The following ANK2 variants were observed in gnomAD, a reference collection of about 807,000 sequenced individuals.
ANK2 encodes ankyrin 2.
A neutral mutation model predicts 360.5 loss-of-function variants in ANK2; 83 were observed. The ratio of observed to expected loss-of-function variants is 0.23; its 90% confidence interval spans 0.19 to 0.28. ANK2 has a LOEUF of 0.28. Ranked by LOEUF, ANK2 falls within the 10% of genes least tolerant of loss-of-function variation. ANK2 has a pLI of 1.00. For missense variants in ANK2, 4,201 were observed against 4,795.7 expected (o/e 0.88, Z 3.66); for synonymous variants, 1,740 against 1,759.5 (o/e 0.99, Z 0.28).
Position 113,240,540 on chromosome 4 carries a change from C to G in ANK2, c.749C>G (p.Thr250Ser). ...CATTACGGAAATGTCAACGTGGCAACTCTTCTTCTAAACCGGGGAGCTGCT... is the reference window on the plus strand; with the variant it reads ...CATTACGGAAATGTCAACGTGGCAAGTCTTCTTCTAAACCGGGGAGCTGCT... ...AAHYGNVNVATLLLNRGAAVD... is the reference protein window; with the variant it reads ...AAHYGNVNVASLLLNRGAAVD... Residue 250 changes from threonine to serine, a missense_variant, in exon 8 of 46, where the codon ACT becomes AGT. This residue lies in a region of ANK2 where 122 missense variants were observed against 239.3 expected (regional missense o/e 0.51). Coordinates refer to ENST00000357077, the MANE Select transcript of ANK2 (RefSeq NM_001148.6). The G allele has an allele frequency of 1.2e-6, 2 of 1,613,998 alleles. No individual in the cohort carries two copies.
chr4:113,291,643 T>C (rs1458634270), intron 20 of ANK2, among the ~76,000 whole-genome samples: 1 of 151,990 alleles, frequency 6.6e-6, no homozygotes, highest in Non-Finnish European at 1.5e-5. Context: ...AAGCTTAGAG[T>C]ATGAAAGGGC....
chr4:113,247,161 G>GAA lies in ANK2; in HGVS notation c.892-2591_892-2590dup, dbSNP rs780555782. Among the ~76,000 whole-genome samples, 199 of 121,468 alleles carry GAA rather than the reference G, an allele frequency of 1.6e-3. 2 individuals are homozygous for GAA. Among genetic ancestry groups the GAA allele is most frequent in the African/African-American group, 5.0e-3 (167 of 33,496 alleles). 79.7% of individuals were successfully genotyped at this position (121,468 alleles called of 152,430 possible). A position where few individuals can be genotyped will look rare whatever the true frequency, so the allele number is the denominator to read the frequency against. On this transcript the variant is annotated intron_variant, in intron 9 of 45. Transcript: ENST00000357077. ...ATCCGTGTGATGAACTGATTCTAGAGAAAAAAAAAAAAACAACAACAGAGA... is the reference window on the plus strand; with the variant it reads ...ATCCGTGTGATGAACTGATTCTAGAGAAAAAAAAAAAAAAACAACAACAGAGA...
chr4:113,222,911 T>C (rs1303586999), intron 4 of ANK2, among the ~76,000 whole-genome samples: 1 of 152,238 alleles, frequency 6.6e-6, no homozygotes, highest in East Asian at 1.9e-4. Context: ...TATATGATAC[T>C]TTAATTAATA....
At chr4:113,197,955 A>C (rs944863311) in intron 3 of ANK2, among the ~76,000 whole-genome samples, 17 of 152,176 alleles carry the variant, frequency 1.1e-4, no homozygotes, top group African/African-American at 3.9e-4. Context: ...GAGCACTCAC[A>C]GGAGCCTAGG....
chr4:112,721,902 G>C, the ANK2 span, among the ~76,000 whole-genome samples: 4 of 152,170 alleles, frequency 2.6e-5, no homozygotes, highest in Non-Finnish European at 4.4e-5. Flanking sequence ...CTTTAAAAGT[G>C]AGTTTCTTCT....
rs536869531 is a variant in ANK2 at position 112,897,118 on chromosome 4, T to A, written c.-39-7337T>A. Among the ~76,000 whole-genome samples, 6 of 152,298 alleles carry A rather than the reference T, an allele frequency of 3.9e-5. 1 individual carries two copies. The South Asian group carries it at 1.2e-3, about 32-fold the overall frequency. Reference sequence around the variant, plus strand: ...AAGCTCTTTCTCTGAGCTTCTCTGATAACTGTTCACTGAGGAAGTGGCCAA... The same window carrying A: ...AAGCTCTTTCTCTGAGCTTCTCTGAAAACTGTTCACTGAGGAAGTGGCCAA... On this transcript the variant is annotated intron_variant, in intron 1 of 30. Coordinates refer to the ANK2 transcript ENST00000503271.
intron 1 of ANK2, among the ~76,000 whole-genome samples, chr4:113,057,077 CTG>C (rs2070394922): frequency 6.6e-6 from 1 of 152,134 alleles, no homozygotes; most frequent in Non-Finnish European, 1.5e-5. Context: ...GTGTATAGCA[CTG>C]TGTTAGGTGC....
At position 113,335,848 on chromosome 4, in the gene ANK2, C is replaced by G. The variant is rs1163043823; in HGVS notation, c.3382C>G (p.Leu1128Val). Residue 1128 changes from leucine to valine, a missense_variant and splice_region_variant, in exon 30 of 46, where the codon CTG becomes GTG. Around this residue, in one of 4 missense-constraint regions of ANK2, gnomAD observed 1,268 missense variants for 1,650.8 expected, o/e 0.77. Coordinates refer to ENST00000357077, the MANE Select transcript of ANK2 (RefSeq NM_001148.6). ...NEILNGMDEV[L>V]DSPEDLEKKR... ...AGGTGGGTCATTTCTTGTCTTAGTA[C>G]TGGATAGCCCAGAAGACCTAGAAAA... 5 of 1,613,762 alleles carry G rather than the reference C, an allele frequency of 3.1e-6. No homozygotes were observed. In the East Asian group the frequency reaches 1.1e-4, roughly 36 times the overall value.
intron 2 of ANK2, among the ~76,000 whole-genome samples, chr4:113,041,574 T>C (rs1033040611): frequency 3.9e-5 from 6 of 152,142 alleles, no homozygotes; most frequent in Non-Finnish European, 1.5e-5. Flanking sequence ...ATATCACCAG[T>C]ATATAACATC....
the ANK2 span, among the ~76,000 whole-genome samples, chr4:112,720,670 C>A: frequency 1.2e-4 from 18 of 152,126 alleles, no homozygotes; most frequent in African/African-American, 4.3e-4. Flanking sequence ...ATAATTTAAT[C>A]TTTTAAAATT....
chr4:113,378,529 G>C (rs927648477), intron 45 of ANK2, among the ~76,000 whole-genome samples: 3 of 152,100 alleles, frequency 2.0e-5, no homozygotes, highest in Non-Finnish European at 4.4e-5. Context: ...TCTAATCGAT[G>C]GATCACAGAT....
At chr4:113,317,643 A>C in intron 24 of ANK2, 64 bp from the exon 25 acceptor site, 1 of 1,302,386 alleles carries the variant, frequency 7.7e-7, no homozygotes, top group Non-Finnish European at 1.1e-6. Flanking sequence ...TCGGCTCATC[A>C]TTTTGTCATC....
intron 1 of ANK2, among the ~76,000 whole-genome samples, chr4:113,102,296 G>T (rs1210273560): frequency 2.0e-5 from 3 of 152,094 alleles, no homozygotes; most frequent in Non-Finnish European, 4.4e-5. Flanking sequence ...CAGGTGTTTG[G>T]CTGGGTACTA....
chr4:112,706,256 T>C, the ANK2 span, among the ~76,000 whole-genome samples: 1 of 152,110 alleles, frequency 6.6e-6, no homozygotes, highest in African/African-American at 2.4e-5. Flanking sequence ...CGGCACCCCA[T>C]TGTCCTCGCG....
chr4:112,757,984 A>G, the ANK2 span, among the ~76,000 whole-genome samples: 1 of 151,244 alleles, frequency 6.6e-6, no homozygotes, highest in South Asian at 2.1e-4. Flanking sequence ...GCTCACTGCA[A>G]CCTCCACTTC....
rs1386636823 is a variant in ANK2, at chr4:113,359,479, A to G, written c.10681+180A>G. On this transcript the variant is annotated intron_variant, in intron 38 of 45. Transcript: ENST00000357077. ...TTTCTCTGTATACTCTTGTCTAAGA[A>G]AACAATCTCAAGATTGAGTAATGAG... Among the ~76,000 whole-genome samples the G allele has an allele frequency of 3.3e-5, 5 of 152,160 alleles. No homozygotes were observed. In the South Asian group the frequency reaches 8.3e-4, roughly 25 times the overall value.
In ANK2 at chr4:113,358,548, C is replaced by T. The variant is rs1319503607; in HGVS notation, c.9930C>T (p.Pro3310=). 2 of 1,614,066 alleles carry T rather than the reference C, an allele frequency of 1.2e-6. No individual in the cohort carries two copies. Among genetic ancestry groups the T allele is most frequent in the East Asian group, 4.5e-5 (2 of 44,874 alleles). ...SKSKIPVRTM[P]TSTPAPPSAE... ...CCAAAATTCCTGTAAGGACTATGCC[C>T]ACTTCCACCCCAGCACCTCCATCTG... is the stretch of plus-strand genomic sequence containing the variant. Residue 3310 remains proline, a synonymous_variant, in exon 38 of 46, where the codon CCC becomes CCT. Coordinates refer to ENST00000357077, the MANE Select transcript of ANK2 (RefSeq NM_001148.6).
At chr4:112,731,334 A>C in the ANK2 span, among the ~76,000 whole-genome samples, 2 of 151,930 alleles carry the variant, frequency 1.3e-5, no homozygotes, top group Non-Finnish European at 2.9e-5. Flanking sequence ...TGAGGTAATG[A>C]ATAAGTTAAC....
chr4:113,096,305 G>A (rs1222200390), intron 1 of ANK2, among the ~76,000 whole-genome samples: 1 of 152,154 alleles, frequency 6.6e-6, no homozygotes, highest in Non-Finnish European at 1.5e-5. Context: ...TGGAACCAAT[G>A]AAACCCCAAA....
Sources: gnomAD v4.1 joint callset for allele counts (sites outside exome capture counted in the v4.1 genomes callset) on GRCh38, gnomAD v4.1.1 for gene constraint, gnomAD v4.1.1 regional missense constraint, MANE v1.5 for transcripts, NCBI Gene and HGNC (gene_info 2026-07-23, HGNC 2026-07-21) for gene names.